Variants in CEP152 observed in about 807,000 individuals in gnomAD.
CEP152 encodes centrosomal protein of 152 kDa.
In CEP152, 132 loss-of-function variants were observed where a neutral mutation model predicts 188.9. That is an observed-to-expected ratio of 0.70 (90% CI 0.61 to 0.81). The LOEUF is 0.81. CEP152 is among the 30% of genes least tolerant of loss of function. The probability of loss-of-function intolerance (pLI) is 0.00; values close to 1 mark genes in which losing one functional copy is unlikely to be tolerated. For synonymous variants in CEP152, 649 were observed against 666.6 expected (o/e 0.97, Z 0.41); for missense variants, 1,914 against 1,969.8 (o/e 0.97, Z 0.54).
intron 22 of CEP152, among the ~76,000 whole-genome samples, chr15:48,747,071 G>T (rs1378435628): frequency 2.0e-5 from 3 of 152,134 alleles, no homozygotes; most frequent in African/African-American, 7.2e-5. Flanking sequence ...AGTGTTTTTG[G>T]TTTTATACTG....
intron 26 of CEP152, 145 bp downstream of exon 26, chr15:48,741,456 C>T (rs1892966039): frequency 4.6e-6 from 7 of 1,519,566 alleles, no homozygotes; most frequent in Non-Finnish European, 6.1e-6. Context: ...ACTCTTTTTG[C>T]GTAAACTTCT....
intron 21 of CEP152, among the ~76,000 whole-genome samples, chr15:48,751,588 C>T (rs1893880407): frequency 6.6e-6 from 1 of 152,068 alleles, no homozygotes; most frequent in African/African-American, 2.4e-5. Flanking sequence ...CTGGCCTTGG[C>T]AATTATTAGT....
intron 20 of CEP152, among the ~76,000 whole-genome samples, chr15:48,753,882 CTT>C (rs754690596): frequency 2.4e-4 from 36 of 152,128 alleles, no homozygotes; most frequent in Admixed American, 1.1e-3. Flanking sequence ...TTTAAAAAAA[CTT>C]TTGATTGTCT....
In CEP152 at chr15:48,755,892, C is replaced by G; in HGVS notation, c.3345+11G>C. 6.2e-7 allele frequency: 1 copy of G among 1,613,226 alleles called. No individual in the cohort carries two copies. The highest frequency in any genetic ancestry group is 8.5e-7 in the Non-Finnish European group (1 of 1,179,868). ...GGTGTTCAATACCTTCTCTCACTCT[C>G]AGGAACATACCTTTTTCCATTCTGG... On this transcript the variant is annotated intron_variant, in intron 20 of 26. Coordinates refer to ENST00000380950, the MANE Select transcript of CEP152 (RefSeq NM_001194998.2).
At chr15:48,807,480 G>A (rs1246624068) in intron 1 of CEP152, among the ~76,000 whole-genome samples, 1 of 151,814 alleles carries the variant, frequency 6.6e-6, no homozygotes, top group East Asian at 1.9e-4. Context: ...GCGTGAACCC[G>A]GGAAGCGGAG....
In CEP152 at chr15:48,764,677, C is replaced by A. The variant is rs929415781; in HGVS notation, c.2281-2005G>T. Reference sequence around the variant, plus strand: ...CGTGTATATGATTTTTTCCCCCTTTCTCTCAATGAGCCAGGTTAACATGTG... The same window carrying A: ...CGTGTATATGATTTTTTCCCCCTTTATCTCAATGAGCCAGGTTAACATGTG... On this transcript the variant is annotated intron_variant, in intron 17 of 26. Coordinates refer to ENST00000380950, the MANE Select transcript of CEP152 (RefSeq NM_001194998.2). Among the ~76,000 whole-genome samples, 6 of 152,152 alleles carry A rather than the reference C, an allele frequency of 3.9e-5. 1 individual carries two copies. Among genetic ancestry groups the A allele is most frequent in the Admixed American group, 1.3e-4 (2 of 15,278 alleles).
chr15:48,804,002 G>A (rs575992049), intron 2 of CEP152, among the ~76,000 whole-genome samples: 2 of 152,298 alleles, frequency 1.3e-5, no homozygotes, highest in South Asian at 2.1e-4. Flanking sequence ...GCCAAAATCC[G>A]GAAACCCTCA....
In CEP152 at chr15:48,772,523, G is replaced by A. The variant is rs763558471; in HGVS notation, c.1746C>T (p.His582=). The A allele has an allele frequency of 5.6e-6, 9 of 1,613,366 alleles. No individual in the cohort carries two copies. The South Asian group carries it at 9.9e-5, about 18-fold the overall frequency. ...TGCTTTTTTCATCCTTCTTCACTTG[G>A]TGGAGATCTTCAATTTTCTTATGAC... The part of the protein sequence containing the change: ...KDCHKKIEDL[H]QVKKDEKSIE... The change falls in exon 13 of 27, where the codon CAC becomes CAT. Residue 582 remains histidine, a synonymous_variant. Coordinates refer to ENST00000380950, the MANE Select transcript of CEP152 (RefSeq NM_001194998.2).
intron 8 of CEP152, 21 bp downstream of exon 8, chr15:48,791,216 T>C: frequency 6.2e-7 from 1 of 1,603,180 alleles, no homozygotes; most frequent in Middle Eastern, 1.7e-4. Flanking sequence ...TTTTTTACCA[T>C]ACATAAGTTA....
intron 10 of CEP152, chr15:48,783,181 G>T (rs1896377752): frequency 1.3e-5 from 2 of 152,154 alleles, no homozygotes; most frequent in African/African-American, 4.8e-5. Flanking sequence ...TGTCTATATA[G>T]CGGTGTTTGT....
intron 24 of CEP152, 36 bp from the exon 25 acceptor site, chr15:48,742,136 G>A (rs1434582179): frequency 4.4e-6 from 7 of 1,600,958 alleles, no homozygotes; most frequent in Non-Finnish European, 5.1e-6. Context: ...CAGAATGTAT[G>A]TTTATTAGCA....
intron 20 of CEP152, among the ~76,000 whole-genome samples, chr15:48,755,147 G>T (rs1894165598): frequency 6.6e-6 from 1 of 151,868 alleles, no homozygotes; most frequent in South Asian, 2.1e-4. Context: ...TGGTTTTACT[G>T]AAACTTTCAT....
chr15:48,739,374 TA>T (rs1342497588), intron 26 of CEP152, 86 bp from the exon 27 acceptor site: 4 of 1,451,526 alleles, frequency 2.8e-6, no homozygotes, highest in Admixed American at 5.8e-5. Context: ...TAAAAAAAAT[TA>T]AAAATAAGAA....
chr15:48,753,665 C>T (rs1372365656), intron 20 of CEP152, among the ~76,000 whole-genome samples: 1 of 152,104 alleles, frequency 6.6e-6, no homozygotes, highest in African/African-American at 2.4e-5. Context: ...GTCAAGATAA[C>T]AGAAAAGGGA....
At chr15:48,774,255 C>T (rs900713660) in intron 12 of CEP152, among the ~76,000 whole-genome samples, 8 of 151,980 alleles carry the variant, frequency 5.3e-5, no homozygotes, top group South Asian at 2.1e-4. Context: ...CATTTTCCAA[C>T]ATGTGTAACT....
At chr15:48,782,516 C>T (rs1044294210) in intron 10 of CEP152, among the ~76,000 whole-genome samples, 8 of 152,022 alleles carry the variant, frequency 5.3e-5, no homozygotes, top group Non-Finnish European at 7.4e-5. Context: ...CTTAACATTC[C>T]GGAAGTCCTT....
At chr15:48,758,884 A>G (rs1243046689) in intron 19 of CEP152, among the ~76,000 whole-genome samples, 2 of 152,164 alleles carry the variant, frequency 1.3e-5, no homozygotes, top group African/African-American at 4.8e-5. Context: ...TCTCATTTCT[A>G]TATGTCTGCT....
chr15:48,798,133 T>C, intron 2 of CEP152, 82 bp from the exon 3 acceptor site: 2 of 1,065,168 alleles, frequency 1.9e-6, no homozygotes, highest in South Asian at 2.6e-5. Context: ...CGAGTGGTTT[T>C]TTACTGTAGA....
chr15:48,771,934 T>G (rs1895560015), intron 13 of CEP152, among the ~76,000 whole-genome samples: 1 of 152,226 alleles, frequency 6.6e-6, no homozygotes, highest in Non-Finnish European at 1.5e-5. Flanking sequence ...TTACAGGTAC[T>G]TGAAATATGG....
Sources: gnomAD v4.1 joint callset for allele counts (sites outside exome capture counted in the v4.1 genomes callset) on GRCh38, gnomAD v4.1.1 for gene constraint, MANE v1.5 for transcripts, NCBI Gene and HGNC (gene_info 2026-07-23, HGNC 2026-07-21) for gene names.